SBF2: variants seen among roughly 807,000 people sequenced by gnomAD.
SBF2 encodes myotubularin-related protein 13.
A neutral mutation model predicts 225.2 loss-of-function variants in SBF2; 112 were observed. The ratio of observed to expected loss-of-function variants is 0.50; its 90% CI spans 0.43 to 0.58. SBF2 has a LOEUF of 0.58. Among genes scored for constraint, SBF2 ranks in the 20% least tolerant of loss-of-function variants. SBF2 has a pLI of 0.00. For synonymous variants in SBF2, 763 were observed against 773.3 expected (o/e 0.99, Z 0.22); for missense variants, 1,996 against 2,206.2 (o/e 0.90, Z 1.91).
At chr11:9,879,850 A>T (rs1859592601) in intron 17 of SBF2, among the ~76,000 whole-genome samples, 1 of 152,034 alleles carries the variant, frequency 6.6e-6, no homozygotes, top group Non-Finnish European at 1.5e-5. Context: ...TTGGGAGGCC[A>T]AGATGGGCGG....
At chr11:10,200,792 T>C (rs1332450006) in intron 1 of SBF2, among the ~76,000 whole-genome samples, 2 of 152,142 alleles carry the variant, frequency 1.3e-5, no homozygotes, top group Admixed American at 6.5e-5. Context: ...ACAATTGCAG[T>C]AGAATAAAAA....
chr11:10,178,639 A>G (rs2135277266), intron 2 of SBF2, among the ~76,000 whole-genome samples: 1 of 146,150 alleles, frequency 6.8e-6, no homozygotes, highest in Admixed American at 6.9e-5. Flanking sequence ...CAAAACCACA[A>G]TGAGATACCA....
chr11:10,127,773 G>A (rs1294519452), intron 2 of SBF2, among the ~76,000 whole-genome samples: 1 of 152,062 alleles, frequency 6.6e-6, no homozygotes, highest in East Asian at 1.9e-4. Flanking sequence ...GCCTAACACA[G>A]TGCTAAATAA....
intron 17 of SBF2, among the ~76,000 whole-genome samples, chr11:9,866,435 C>A (rs1262887023): frequency 6.6e-6 from 1 of 152,124 alleles, no homozygotes; most frequent in Non-Finnish European, 1.5e-5. Flanking sequence ...GTATGCATAG[C>A]CAACTGATTT....
At chr11:9,927,898 T>C (rs924731367) in intron 16 of SBF2, among the ~76,000 whole-genome samples, 1 of 152,168 alleles carries the variant, frequency 6.6e-6, no homozygotes, top group African/African-American at 2.4e-5. Context: ...CAACAACAAC[T>C]CTATATCTGT....
At chr11:10,154,064 T>A (rs1049757390) in intron 2 of SBF2, among the ~76,000 whole-genome samples, 2 of 152,132 alleles carry the variant, frequency 1.3e-5, no homozygotes, top group Non-Finnish European at 2.9e-5. Flanking sequence ...AGTATTAAAC[T>A]ATTTTAATCA....
chr11:10,141,406 T>C (rs886122355), intron 2 of SBF2, among the ~76,000 whole-genome samples: 8 of 152,182 alleles, frequency 5.3e-5, no homozygotes, highest in African/African-American at 1.9e-4. Context: ...CTTCTTCTAT[T>C]CCTTCAGAGG....
At chr11:9,918,343 G>A (rs144195444) in intron 16 of SBF2, among the ~76,000 whole-genome samples, 1 of 151,896 alleles carries the variant, frequency 6.6e-6, no homozygotes, top group East Asian at 1.9e-4. Flanking sequence ...AAGTCTACTT[G>A]TCCATTTTCT....
At chr11:9,917,602 G>C (rs1863209186) in intron 16 of SBF2, among the ~76,000 whole-genome samples, 1 of 151,664 alleles carries the variant, frequency 6.6e-6, no homozygotes, top group South Asian at 2.1e-4. Flanking sequence ...AAAGTGCTGG[G>C]ATTACAGGCA....
At chr11:9,829,285 C>T in intron 28 of SBF2, 71 bp downstream of exon 28, 2 of 1,521,102 alleles carry the variant, frequency 1.3e-6, no homozygotes, top group Non-Finnish European at 1.8e-6. Context: ...AATAACAGTA[C>T]AAATAACCCT....
chr11:9,990,789 A>C (rs926122850), intron 12 of SBF2, among the ~76,000 whole-genome samples: 1 of 152,228 alleles, frequency 6.6e-6, no homozygotes, highest in Non-Finnish European at 1.5e-5. Flanking sequence ...AGTTAGAGAC[A>C]AAATGAAGCC....
At chr11:10,293,942 G>T in intron 1 of SBF2, 73 bp downstream of exon 1, 1 of 1,147,390 alleles carries the variant, frequency 8.7e-7, no homozygotes, top group Non-Finnish European at 1.1e-6. Flanking sequence ...CCCGACGCCC[G>T]GCCCCGCGGA....
At chr11:10,069,627 C>T (rs60151964) in intron 2 of SBF2, among the ~76,000 whole-genome samples, 46 of 152,226 alleles carry the variant, frequency 3.0e-4, no homozygotes, top group African/African-American at 1.1e-3. Context: ...CATACATGTG[C>T]ATGTGTCTTT....
intron 16 of SBF2, among the ~76,000 whole-genome samples, chr11:9,896,998 G>A (rs1219065801): frequency 6.6e-6 from 1 of 152,164 alleles, no homozygotes; most frequent in East Asian, 1.9e-4. Flanking sequence ...GTATATTACA[G>A]TTATTCTTCT....
intron 38 of SBF2, chr11:9,783,257 A>AT (rs1852153251): frequency 6.6e-6 from 1 of 152,164 alleles, no homozygotes. Flanking sequence ...CCATTTGTAT[A>AT]TTTGAACATA....
intron 32 of SBF2, among the ~76,000 whole-genome samples, chr11:9,804,116 C>T (rs541548208): frequency 3.9e-5 from 6 of 152,002 alleles, no homozygotes; most frequent in South Asian, 2.1e-4. Context: ...AGCAACAGAT[C>T]GGAGGTTTAT....
At chr11:9,842,989 G>A (rs543745318) in intron 24 of SBF2, among the ~76,000 whole-genome samples, 5 of 152,264 alleles carry the variant, frequency 3.3e-5, no homozygotes, top group Admixed American at 2.6e-4. Context: ...TAGGAAAAAC[G>A]TGCAGGAAAA....
chr11:10,084,098 C>T (rs1420390581), intron 2 of SBF2, among the ~76,000 whole-genome samples: 1 of 152,132 alleles, frequency 6.6e-6, no homozygotes, highest in Non-Finnish European at 1.5e-5. Context: ...TGCAAAGTAT[C>T]TATCCAACAA....
chr11:10,284,261 C>T (rs1479279415), intron 1 of SBF2, among the ~76,000 whole-genome samples: 2 of 152,138 alleles, frequency 1.3e-5, no homozygotes, highest in East Asian at 3.8e-4. Context: ...TCAGTTTTAC[C>T]TATACTCATT....
Sources: allele counts gnomAD v4.1 joint callset (sites outside exome capture counted in the v4.1 genomes callset), GRCh38; gene constraint gnomAD v4.1.1; transcripts MANE v1.5; gene names NCBI Gene and HGNC (gene_info 2026-07-23, HGNC 2026-07-21).